The following SLC38A6 variants were observed in gnomAD, a reference collection of about 807,000 sequenced individuals.
The protein encoded by SLC38A6 is N system amino acid transporter NAT-1.
A neutral mutation model predicts 65.0 loss-of-function variants in SLC38A6; 73 were observed. That is an observed-to-expected ratio of 1.12 (90% CI 0.93 to 1.37). The LOEUF (loss-of-function observed/expected upper bound fraction) is 1.37, where lower values mean the gene tolerates loss of function less well. Among genes scored for constraint, SLC38A6 ranks in the 40% most tolerant of loss-of-function variants. The pLI is 0.00. For synonymous variants in SLC38A6, 183 were observed against 178.8 expected, an observed-to-expected ratio of 1.02 and a Z score of -0.19; for missense variants, 561 against 531.1, an observed-to-expected ratio of 1.06 and a Z score of -0.55.
At chr14:61,062,204 G>C (rs1372838063) in intron 15 of SLC38A6, among the ~76,000 whole-genome samples, 1 of 152,170 alleles carries the variant, frequency 6.6e-6, no homozygotes, top group Non-Finnish European at 1.5e-5. Context: ...TTCCTACACT[G>C]TATGGTAAGA....
intron 8 of SLC38A6, among the ~76,000 whole-genome samples, chr14:61,041,967 TTG>T (rs979141388): frequency 6.6e-6 from 1 of 151,384 alleles, no homozygotes; most frequent in Non-Finnish European, 1.5e-5. Flanking sequence ...TCGTTTTTTT[TTG>T]TTGTTGTTGT....
intron 3 of SLC38A6, among the ~76,000 whole-genome samples, chr14:60,990,625 C>G (rs1371694241): frequency 6.6e-6 from 1 of 152,062 alleles, no homozygotes; most frequent in Non-Finnish European, 1.5e-5. Flanking sequence ...ATACTGTTCC[C>G]TTCACTTCAA....
At chr14:61,013,791 G>A (rs1418045069) in intron 3 of SLC38A6, among the ~76,000 whole-genome samples, 1 of 152,094 alleles carries the variant, frequency 6.6e-6, no homozygotes, top group East Asian at 1.9e-4. Flanking sequence ...TGGGTAACCC[G>A]ACTTTCTCTC....
At chr14:61,049,713 C>T (rs1345835136) in intron 12 of SLC38A6, among the ~76,000 whole-genome samples, 1 of 152,064 alleles carries the variant, frequency 6.6e-6, no homozygotes, top group Admixed American at 6.6e-5. Flanking sequence ...CTCAAAGTAT[C>T]CTTTCTGAAA....
chr14:61,037,819 G>A (rs1437023820), intron 8 of SLC38A6, 136 bp downstream of exon 8: 2 of 559,544 alleles, frequency 3.6e-6, no homozygotes, highest in Non-Finnish European at 6.1e-6. Context: ...AAGCACTTTT[G>A]TTCCATTAAA....
intron 16 of SLC38A6, among the ~76,000 whole-genome samples, chr14:61,080,504 C>G (rs1415543045): frequency 6.6e-6 from 1 of 152,324 alleles, no homozygotes; most frequent in Non-Finnish European, 1.5e-5. Flanking sequence ...GGTTTTGGTT[C>G]TTACCAACTG....
intron 5 of SLC38A6, among the ~76,000 whole-genome samples, chr14:61,024,571 A>T (rs902750630): frequency 6.6e-6 from 1 of 152,256 alleles, no homozygotes. Flanking sequence ...ATAAAAGATT[A>T]ATAACTGTAG....
At chr14:61,033,033 G>A (rs1237381612) in intron 6 of SLC38A6, among the ~76,000 whole-genome samples, 1 of 151,854 alleles carries the variant, frequency 6.6e-6, no homozygotes, top group Admixed American at 6.6e-5. Context: ...GAACTTTCAT[G>A]ATATATCTAT....
At chr14:60,992,355 A>G (rs958000941) in intron 3 of SLC38A6, among the ~76,000 whole-genome samples, 22 of 152,134 alleles carry the variant, frequency 1.4e-4, no homozygotes, top group Non-Finnish European at 7.4e-5. Context: ...TGGTACCACC[A>G]GTTTATATCT....
At chr14:61,006,774 A>G (rs2039154417) in intron 3 of SLC38A6, among the ~76,000 whole-genome samples, 1 of 152,204 alleles carries the variant, frequency 6.6e-6, no homozygotes, top group Admixed American at 6.5e-5. Flanking sequence ...GCGATTCCTC[A>G]GGGATCTAGA....
intron 15 of SLC38A6, among the ~76,000 whole-genome samples, chr14:61,076,711 TGTTAC>T (rs2043433229): frequency 6.6e-6 from 1 of 152,262 alleles, no homozygotes; most frequent in African/African-American, 2.4e-5. Context: ...AAATCTGTTC[TGTTAC>T]ATCAGCCAGA....
chr14:61,051,314 G>A (rs1020601837), intron 13 of SLC38A6, among the ~76,000 whole-genome samples: 1 of 152,130 alleles, frequency 6.6e-6, no homozygotes, highest in Non-Finnish European at 1.5e-5. Context: ...GCATGTGACC[G>A]CCTGCTGTGC....
At chr14:61,014,263 G>A (rs545442017) in intron 3 of SLC38A6, among the ~76,000 whole-genome samples, 10 of 152,028 alleles carry the variant, frequency 6.6e-5, no homozygotes, top group Non-Finnish European at 1.3e-4. Context: ...CTCTGCATTG[G>A]TTATTCTAGT....
intron 12 of SLC38A6, among the ~76,000 whole-genome samples, chr14:61,047,676 T>TA (rs778106806): frequency 2.0e-5 from 3 of 152,136 alleles, no homozygotes; most frequent in Non-Finnish European, 2.9e-5. Context: ...TGTATCTATG[T>TA]ATAATCTATC....
chr14:61,012,342 A>G (rs1224455634), intron 3 of SLC38A6, among the ~76,000 whole-genome samples: 1 of 151,776 alleles, frequency 6.6e-6, no homozygotes, highest in Non-Finnish European at 1.5e-5. Context: ...CAGCTTCTGG[A>G]TTCATTGATT....
chr14:61,006,494 C>T, intron 3 of SLC38A6, among the ~76,000 whole-genome samples: 1 of 152,048 alleles, frequency 6.6e-6, no homozygotes, highest in Middle Eastern at 3.2e-3. Flanking sequence ...AAAAAACAAC[C>T]CCATCAAAAA....
chr14:61,012,790 T>A (rs1034078656), intron 3 of SLC38A6, among the ~76,000 whole-genome samples: 2 of 152,114 alleles, frequency 1.3e-5, no homozygotes, highest in Non-Finnish European at 2.9e-5. Context: ...TGCTGAAGAG[T>A]GCTTTACTTC....
chr14:61,020,680 A>G (rs918507908), intron 5 of SLC38A6, among the ~76,000 whole-genome samples: 11 of 152,294 alleles, frequency 7.2e-5, no homozygotes, highest in Admixed American at 6.5e-4. Context: ...CACACTTCAC[A>G]GTAGAAAGTC....
chr14:61,015,414 A>C (rs577124457), intron 3 of SLC38A6, among the ~76,000 whole-genome samples: 1 of 152,192 alleles, frequency 6.6e-6, no homozygotes, highest in South Asian at 2.1e-4. Context: ...AACACTCCCC[A>C]GTGAGATGAA....
Sources: gnomAD v4.1 joint callset for allele counts (sites outside exome capture counted in the v4.1 genomes callset) on GRCh38, gnomAD v4.1.1 for gene constraint, MANE v1.5 for transcripts, NCBI Gene and HGNC (gene_info 2026-07-23, HGNC 2026-07-21) for gene names.